The following CDC25A variants were observed in gnomAD, a reference collection of about 807,000 sequenced individuals.
CDC25A encodes the protein cell division cycle 25A.
Under a neutral mutation model 64.6 loss-of-function variants are expected in CDC25A, and 17 were observed. The observed-to-expected ratio is 0.26, with a 90% CI of 0.18 to 0.39. CDC25A has a LOEUF of 0.39. Among genes scored for constraint, CDC25A ranks in the 10% least tolerant of loss-of-function variants. CDC25A has a pLI of 1.00. For synonymous variants in CDC25A, 229 were observed against 238.6 expected, an observed-to-expected ratio of 0.96 and a Z score of 0.37; for missense variants, 473 against 654.8, an observed-to-expected ratio of 0.72 and a Z score of 3.03.
intron 13 of CDC25A, 114 bp from the exon 14 acceptor site, chr3:48,159,569 T>C: frequency 1.5e-6 from 1 of 678,538 alleles, no homozygotes; most frequent in South Asian, 1.7e-5. Flanking sequence ...TCTTCCCAAC[T>C]TGACATTTAT....
chr3:48,172,578 C>T (rs553058376), intron 9 of CDC25A, among the ~76,000 whole-genome samples: 2 of 152,164 alleles, frequency 1.3e-5, no homozygotes. Context: ...ACTAGCTCAC[C>T]CATGCCAGGT....
chr3:48,178,741 G>A (rs1015288098), intron 6 of CDC25A, among the ~76,000 whole-genome samples: 4 of 152,154 alleles, frequency 2.6e-5, no homozygotes, highest in Admixed American at 1.3e-4. Flanking sequence ...TTAAAATGGC[G>A]GTACCTCATT....
intron 9 of CDC25A, among the ~76,000 whole-genome samples, chr3:48,169,904 G>A (rs753002795): frequency 3.3e-5 from 5 of 152,064 alleles, no homozygotes; most frequent in Non-Finnish European, 7.4e-5. Context: ...AGCTACTTGG[G>A]AGGCTGAGGC....
chr3:48,175,403 C>T (rs943581364), intron 8 of CDC25A, among the ~76,000 whole-genome samples: 7 of 152,192 alleles, frequency 4.6e-5, no homozygotes, highest in African/African-American at 1.7e-4. Flanking sequence ...AGCCTATTCT[C>T]GACTCCATGT....
chr3:48,172,426 T>C (rs1388140195), intron 9 of CDC25A, among the ~76,000 whole-genome samples: 2 of 152,208 alleles, frequency 1.3e-5, no homozygotes, highest in Non-Finnish European at 2.9e-5. Context: ...CATTTTATAA[T>C]GCTTAATACC....
chr3:48,181,786 AG>A, intron 5 of CDC25A: 2 of 621,708 alleles, frequency 3.2e-6, no homozygotes, highest in Non-Finnish European at 5.7e-6. Flanking sequence ...AAAACCATGA[AG>A]AATCAAAAAA....
chr3:48,176,907 G>A (rs2032483819), intron 8 of CDC25A, among the ~76,000 whole-genome samples: 1 of 151,562 alleles, frequency 6.6e-6, no homozygotes, highest in African/African-American at 2.4e-5. Context: ...GGAGGCAGAG[G>A]TTGCAGTGAG....
rs573241617 is a variant in CDC25A, at chr3:48,158,053, G to A, written c.*892C>T. 155 of 140,084 alleles carry A rather than the reference G, an allele frequency of 1.1e-3. 1 individual carries two copies. Among genetic ancestry groups the A allele is most frequent in the Admixed American group, 5.0e-4 (7 of 14,066 alleles). 8.7% of individuals were successfully genotyped at this position (140,084 alleles called of 1,614,324 possible). A position where few individuals can be genotyped will look rare whatever the true frequency, so the allele number is the denominator to read the frequency against. On this transcript the variant is annotated 3_prime_UTR_variant, in exon 15 of 15. Transcript: ENST00000302506. The stretch of plus-strand genomic sequence containing the variant: ...CACTGCAACATTCCAGCACTGAGCC[G>A]GGGGTGGCCCAACAGATGCTGCCTC...
Position 48,157,538 on chromosome 3 carries a change from G to GT in CDC25A, c.*1406dup, listed in dbSNP as rs1158942085. On this transcript the variant is annotated 3_prime_UTR_variant, in exon 15 of 15. Transcript: ENST00000302506. Reference sequence around the variant, plus strand: ...CCTACACCTCAGTGAAGCCGTGATGGTAAGGAGGCTGGCACCAGAGGGCAG... The same window carrying GT: ...CCTACACCTCAGTGAAGCCGTGATGGTTAAGGAGGCTGGCACCAGAGGGCAG... The GT allele has an allele frequency of 1.3e-5, 2 of 152,628 alleles. No homozygotes were observed. Among genetic ancestry groups the GT allele is most frequent in the African/African-American group, 4.8e-5 (2 of 41,432 alleles). The allele number at this position is 152,628 out of a possible 1,614,324, so 9.5% of individuals were successfully genotyped here. A position where few individuals can be genotyped will look rare whatever the true frequency, so the allele number is the denominator to read the frequency against.
In CDC25A at chr3:48,165,754, G is replaced by C; in HGVS notation, c.1093-20C>G. On this transcript the variant is annotated intron_variant, in intron 11 of 14. Coordinates refer to ENST00000302506, the MANE Select transcript of CDC25A (RefSeq NM_001789.3). ...TGCCATCTGTTGAGAGAAAATTAGG[G>C]AGAATCAACTTTGACCGTCAGGGAA... 1.2e-6 allele frequency: 2 copies of C among 1,603,678 alleles called. No homozygotes were observed. The highest frequency in any genetic ancestry group is 1.3e-5 in the African/African-American group (1 of 74,848).
At position 48,187,996 on chromosome 3, in the gene CDC25A, G is replaced by GCCGCGA; in HGVS notation, c.-55_-50dup. On this transcript the variant is annotated 5_prime_UTR_variant, in exon 1 of 15. Transcript: ENST00000302506. ...TCCCGCTCCCTCTTCCTCTGCCTCCGCCGCGACCGCCCCGCCCCGCCGACA... is the reference window on the plus strand; with the variant it reads ...TCCCGCTCCCTCTTCCTCTGCCTCCGCCGCGACCGCGACCGCCCCGCCCCGCCGACA... The GCCGCGA allele has an allele frequency of 7.5e-7, 1 of 1,328,186 alleles. No individual in the cohort carries two copies. The highest frequency in any genetic ancestry group is 9.6e-7 in the Non-Finnish European group (1 of 1,040,024). The allele number at this position is 1,328,186 out of a possible 1,614,324, so 82.3% of individuals were successfully genotyped here. A position where few individuals can be genotyped will look rare whatever the true frequency, so the allele number is the denominator to read the frequency against.
At chr3:48,163,298 AAAAGAAAG>A (rs1189548409) in intron 13 of CDC25A, among the ~76,000 whole-genome samples, 3 of 148,238 alleles carry the variant, frequency 2.0e-5, no homozygotes, top group South Asian at 2.1e-4. Flanking sequence ...AAAAAAAAAA[AAAAGAAAG>A]AAAGAAAGAA....
intron 8 of CDC25A, among the ~76,000 whole-genome samples, chr3:48,174,990 T>C (rs913648053): frequency 6.6e-6 from 1 of 152,190 alleles, no homozygotes; most frequent in Non-Finnish European, 1.5e-5. Flanking sequence ...GTGTTCAAAG[T>C]CTTTTTTTCT....
At chr3:48,159,120 C>T (rs1284368055) in intron 14 of CDC25A, 35 bp from the exon 15 acceptor site, 3 of 1,607,730 alleles carry the variant, frequency 1.9e-6, no homozygotes, top group Non-Finnish European at 1.7e-6. Context: ...TTAGGGTACA[C>T]CTGCCTCACA....
At chr3:48,177,813 T>C (rs959971751) in intron 7 of CDC25A, 41 bp downstream of exon 7, 14 of 1,584,654 alleles carry the variant, frequency 8.8e-6, no homozygotes, top group Middle Eastern at 1.7e-4. Context: ...AGGTAATTAA[T>C]TAGTAGAACA....
chr3:48,182,266 T>C (rs1201605648), intron 5 of CDC25A, among the ~76,000 whole-genome samples: 3 of 152,192 alleles, frequency 2.0e-5, no homozygotes, highest in Non-Finnish European at 4.4e-5. Context: ...ACAAGGATTA[T>C]GAACTGTGGC....
intron 4 of CDC25A, 72 bp from the exon 5 acceptor site, chr3:48,183,102 G>C: frequency 5.0e-6 from 5 of 1,009,968 alleles, no homozygotes; most frequent in Non-Finnish European, 1.5e-6. Flanking sequence ...GTTCTCAAAA[G>C]AAAAAAAAGG....
Position 48,174,571 on chromosome 3 carries a change from CCAA to C in CDC25A, c.757-117_757-115del, listed in dbSNP as rs1401706150. On this transcript the variant is annotated intron_variant, in intron 8 of 14. Coordinates refer to ENST00000302506, the MANE Select transcript of CDC25A (RefSeq NM_001789.3). Reference sequence around the variant, plus strand: ...TGATCTAAGATCAATTCTAAATTAGCCAACAGACACTGCCGATTCATCTAGTCC... The same window carrying C: ...TGATCTAAGATCAATTCTAAATTAGCCAGACACTGCCGATTCATCTAGTCC... 6.0e-6 allele frequency: 6 copies of C among 996,408 alleles called. No homozygotes were observed. The Admixed American group carries it at 1.1e-4, about 18-fold the overall frequency. 61.7% of individuals were successfully genotyped at this position (996,408 alleles called of 1,614,324 possible).
intron 9 of CDC25A, among the ~76,000 whole-genome samples, chr3:48,171,075 G>A (rs2032251296): frequency 1.3e-5 from 2 of 151,992 alleles, no homozygotes; most frequent in South Asian, 4.1e-4. Flanking sequence ...TACGGTAAAA[G>A]AAAATGAATA....
Sources: allele counts gnomAD v4.1 joint callset (sites outside exome capture counted in the v4.1 genomes callset), GRCh38; gene constraint gnomAD v4.1.1; transcripts MANE v1.5; gene names NCBI Gene and HGNC (gene_info 2026-07-23, HGNC 2026-07-21).